AK7: variants seen among roughly 807,000 people sequenced by gnomAD.
The protein encoded by AK7 is adenylate kinase 7.
A neutral mutation model predicts 96.6 loss-of-function variants in AK7; 78 were observed. The ratio of observed to expected loss-of-function variants is 0.81; its 90% CI spans 0.67 to 0.97. AK7 has a LOEUF of 0.97. Ranked by LOEUF, AK7 falls within the 50% of genes least tolerant of loss-of-function variation. The pLI is 0.00. For synonymous variants in AK7, 302 were observed against 317.2 expected (o/e 0.95, Z 0.51); for missense variants, 855 against 887.9 (o/e 0.96, Z 0.47).
At chr14:96,423,681 G>T in intron 5 of AK7, 1 of 661,052 alleles carries the variant, frequency 1.5e-6, no homozygotes, top group South Asian at 1.4e-5. Flanking sequence ...GGTTCAGGTC[G>T]CCGAGCTGCC....
At chr14:96,394,152 T>C (rs1595361716) in intron 1 of AK7, among the ~76,000 whole-genome samples, 1 of 150,380 alleles carries the variant, frequency 6.6e-6, no homozygotes. Context: ...ATACACAGGA[T>C]GAGGCTCAAG....
At position 96,488,342 on chromosome 14, in the gene AK7, G is replaced by C; in HGVS notation, c.2171G>C (p.Ter724SerextTer32). The change falls in exon 18 of 18, where the codon TGA (stop) becomes TCA (serine). Residue 724 changes from the stop codon to serine, a stop_lost. Transcript: ENST00000267584. ...TTCAAGAACAATCCTGAAGCACAGT[G>C]AAACTTGAAAGATCTGGTATTATCT... Reference protein sequence around the residue: ...YLFKNNPEAQ* With the variant: ...YLFKNNPEAQS The C allele has an allele frequency of 6.2e-7, 1 of 1,611,292 alleles. No individual in the cohort carries two copies. The highest frequency in any genetic ancestry group is 1.7e-4 in the Middle Eastern group (1 of 6,026).
At chr14:96,468,270 C>A (rs1894689807) in intron 12 of AK7, among the ~76,000 whole-genome samples, 1 of 138,382 alleles carries the variant, frequency 7.2e-6, no homozygotes. Flanking sequence ...AGACTTCCTA[C>A]AAATACATAG....
intron 5 of AK7, among the ~76,000 whole-genome samples, chr14:96,425,732 C>G (rs1330429929): frequency 3.9e-5 from 6 of 152,128 alleles, no homozygotes; most frequent in South Asian, 2.1e-4. Context: ...GATTCACCTG[C>G]CTCGGCCTCC....
Position 96,458,416 on chromosome 14 carries a change from C to T in AK7, c.1357+204C>T, listed in dbSNP as rs527586144. On this transcript the variant is annotated intron_variant, in intron 12 of 17. Transcript: ENST00000267584. The stretch of plus-strand genomic sequence containing the variant: ...TTTGAGACCAGCCTGAGCAGCATGG[C>T]GAAACCCCATCTCTACAAAAAAATA... Among the ~76,000 whole-genome samples, 6 of 151,368 alleles carry T rather than the reference C, an allele frequency of 4.0e-5. No homozygotes were observed. The East Asian group carries it at 7.8e-4, about 20-fold the overall frequency.
chr14:96,455,854 C>A (rs1281328881), intron 10 of AK7, among the ~76,000 whole-genome samples: 1 of 152,022 alleles, frequency 6.6e-6, no homozygotes. Flanking sequence ...TGGCAGTCAC[C>A]CTGGTGGTGG....
At chr14:96,401,293 A>G (rs1233349540) in intron 2 of AK7, among the ~76,000 whole-genome samples, 1 of 152,206 alleles carries the variant, frequency 6.6e-6, no homozygotes, top group South Asian at 2.1e-4. Flanking sequence ...TCTCAGTCTT[A>G]TCTAGAGAGA....
chr14:96,398,454 CAA>C (rs1890215003), intron 2 of AK7, 191 bp downstream of exon 2: 2 of 625,464 alleles, frequency 3.2e-6, no homozygotes, highest in Non-Finnish European at 5.5e-6. Flanking sequence ...TCGGCCAAAG[CAA>C]AGAGTTTAAA....
intron 4 of AK7, among the ~76,000 whole-genome samples, chr14:96,413,240 C>T (rs918766605): frequency 4.6e-5 from 7 of 152,174 alleles, no homozygotes; most frequent in Non-Finnish European, 5.9e-5. Flanking sequence ...TGTGAGAAGG[C>T]GAGCATCGCA....
chr14:96,429,310 C>A (rs1892207713), intron 5 of AK7, among the ~76,000 whole-genome samples: 2 of 152,058 alleles, frequency 1.3e-5, no homozygotes, highest in African/African-American at 4.8e-5. Flanking sequence ...TGTTCTGTTC[C>A]ATTGGTCTAT....
intron 1 of AK7, among the ~76,000 whole-genome samples, chr14:96,393,637 C>A (rs924300924): frequency 6.6e-6 from 1 of 152,180 alleles, no homozygotes; most frequent in African/African-American, 2.4e-5. Flanking sequence ...AAACTTCCCT[C>A]TTCTCATAAG....
chr14:96,419,106 A>C (rs1891521287), intron 4 of AK7, among the ~76,000 whole-genome samples: 1 of 152,216 alleles, frequency 6.6e-6, no homozygotes, highest in Non-Finnish European at 1.5e-5. Context: ...GGGACTGCAC[A>C]GGCTGTGGGT....
intron 1 of AK7, 150 bp downstream of exon 1, chr14:96,392,409 C>T (rs1213171636): frequency 3.2e-6 from 2 of 618,706 alleles, no homozygotes; most frequent in Admixed American, 6.0e-5. Context: ...ACCACCAATG[C>T]CCCCTGGACC....
At chr14:96,480,774 A>C (rs1595467565) in intron 15 of AK7, among the ~76,000 whole-genome samples, 1 of 152,326 alleles carries the variant, frequency 6.6e-6, no homozygotes, top group East Asian at 1.9e-4. Flanking sequence ...ATTGTGTTCC[A>C]TCTCATCCTG....
intron 7 of AK7, among the ~76,000 whole-genome samples, chr14:96,444,071 G>A (rs534629442): frequency 3.3e-5 from 5 of 152,052 alleles, no homozygotes; most frequent in African/African-American, 9.6e-5. Flanking sequence ...CACTGCGCCC[G>A]GCCCAAAAAC....
At chr14:96,480,712 G>A (rs1039912938) in intron 15 of AK7, among the ~76,000 whole-genome samples, 10 of 152,140 alleles carry the variant, frequency 6.6e-5, no homozygotes, top group African/African-American at 2.2e-4. Context: ...GGAGAGCCCA[G>A]GAGAAATGTT....
At chr14:96,481,838 G>A (rs1008360604) in intron 15 of AK7, among the ~76,000 whole-genome samples, 3 of 151,244 alleles carry the variant, frequency 2.0e-5, no homozygotes, top group African/African-American at 7.3e-5. Context: ...CCAAGTAGCT[G>A]GAACTACAGG....
At chr14:96,472,627 G>A in intron 13 of AK7, 60 bp from the exon 14 acceptor site, 1 of 1,361,098 alleles carries the variant, frequency 7.3e-7, no homozygotes, top group Non-Finnish European at 1.0e-6. Flanking sequence ...GGAATTTTTT[G>A]CTGTGATCCA....
Position 96,392,152 on chromosome 14 carries a change from A to C in AK7, c.-3A>C. ...CACCTTAGCAACCAGCGCGGCTCCCACCATGGCTGAAGAAGAGGAAACTGC... is the reference window on the plus strand; with the variant it reads ...CACCTTAGCAACCAGCGCGGCTCCCCCCATGGCTGAAGAAGAGGAAACTGC... On this transcript the variant is annotated 5_prime_UTR_variant, in exon 1 of 18. Coordinates refer to ENST00000267584, the MANE Select transcript of AK7 (RefSeq NM_152327.5). 2 of 1,611,840 alleles carry C rather than the reference A, an allele frequency of 1.2e-6. No homozygotes were observed. Among genetic ancestry groups the C allele is most frequent in the Non-Finnish European group, 1.7e-6 (2 of 1,178,090 alleles).
Sources: gnomAD v4.1 joint callset for allele counts (sites outside exome capture counted in the v4.1 genomes callset) on GRCh38, gnomAD v4.1.1 for gene constraint, MANE v1.5 for transcripts, NCBI Gene and HGNC (gene_info 2026-07-23, HGNC 2026-07-21) for gene names.